Variants in MBP observed in about 807,000 individuals in gnomAD.
The protein encoded by MBP is myelin basic protein, also known as Golli-MBP.
In MBP, 16 loss-of-function variants were observed where a neutral mutation model predicts 35.8. The observed-to-expected ratio is 0.45, with a 90% CI of 0.30 to 0.68. The LOEUF is 0.68. Among genes scored for constraint, MBP ranks in the 30% least tolerant of loss-of-function variants. The probability of loss-of-function intolerance (pLI) is 0.08; values close to 1 mark genes in which losing one functional copy is unlikely to be tolerated. For synonymous variants in MBP, 143 were observed against 159.6 expected (o/e 0.90, Z 0.78); for missense variants, 380 against 404.7 (o/e 0.94, Z 0.52).
chr18:77,128,757 T>G (rs1360130589), intron 1 of MBP, among the ~76,000 whole-genome samples: 1 of 152,238 alleles, frequency 6.6e-6, no homozygotes, highest in African/African-American at 2.4e-5. Context: ...TCAGTGAATA[T>G]CCACTGTGTG....
In MBP at chr18:77,027,756, T is replaced by C. The variant is rs571361702; in HGVS notation, c.140-10488A>G. ...ATGCTGGAGTGCAGTGGCTTGATAATAGCTGACTGCAGCCTCAACTTCCTG... is the reference window on the plus strand; with the variant it reads ...ATGCTGGAGTGCAGTGGCTTGATAACAGCTGACTGCAGCCTCAACTTCCTG... On this transcript the variant is annotated intron_variant, in intron 3 of 8. Transcript: ENST00000355994. 1.4e-3 allele frequency among the ~76,000 whole-genome samples: 211 copies of C among 152,318 alleles called. 1 individual carries two copies. The highest frequency in any genetic ancestry group is 4.9e-3 in the African/African-American group (202 of 41,572).
chr18:77,124,212 A>G (rs1053089672), intron 1 of MBP, among the ~76,000 whole-genome samples: 1 of 152,096 alleles, frequency 6.6e-6, no homozygotes, highest in Admixed American at 6.5e-5. Flanking sequence ...CTTTGTTTCC[A>G]TGTTCTATCT....
chr18:77,047,560 C>T (rs1032447427), intron 3 of MBP, among the ~76,000 whole-genome samples: 1 of 152,156 alleles, frequency 6.6e-6, no homozygotes, highest in South Asian at 2.1e-4. Flanking sequence ...GGTTAGTTAA[C>T]GATGGTTGCA....
At chr18:77,034,051 C>CAAAAAAA (rs398033591) in intron 3 of MBP, among the ~76,000 whole-genome samples, 1 of 70,502 alleles carries the variant, frequency 1.4e-5, no homozygotes, top group Non-Finnish European at 2.7e-5. Context: ...CCTAATGGGG[C>CAAAAAAA]AAAAAAAAAA....
rs1399448853 is a variant in MBP at position 77,102,536 on chromosome 18, C to A, written c.51+2675G>T. The stretch of plus-strand genomic sequence containing the variant: ...TACTTCTTAAAACTACCTACAGGAA[C>A]CATAGTTTTAACATTTCCAAGTTTT... On this transcript the variant is annotated intron_variant, in intron 2 of 8. Transcript: ENST00000355994. This position sits in a 1 kb window ranked among gnomAD's most constrained non-coding sequence, Gnocchi z 4.4. Among the ~76,000 whole-genome samples the A allele has an allele frequency of 2.0e-5, 3 of 152,150 alleles. No individual in the cohort carries two copies. Among genetic ancestry groups the A allele is most frequent in the Admixed American group, 2.0e-4 (3 of 15,276 alleles).
chr18:77,069,158 G>A, intron 2 of MBP: 1 of 415,356 alleles, frequency 2.4e-6, no homozygotes, highest in Non-Finnish European at 4.9e-6. Flanking sequence ...CCAACCCTCA[G>A]GCCTAGCACA....
At chr18:76,984,630 G>A (rs964161318) in intron 8 of MBP, 145 bp downstream of exon 8, 3 of 1,075,028 alleles carry the variant, frequency 2.8e-6, no homozygotes, top group Admixed American at 4.6e-5. Context: ...TGCCACCTGA[G>A]CCCCTGCACG....
At chr18:77,002,686 TGCTA>T (rs151337056) in intron 4 of MBP, among the ~76,000 whole-genome samples, 178 of 152,366 alleles carry the variant, frequency 1.2e-3, no homozygotes, top group Non-Finnish European at 1.8e-3. Flanking sequence ...TCGCAGAGGC[TGCTA>T]GCTGTCTAGG....
chr18:76,988,889 C>G lies in MBP; in HGVS notation c.705G>C (p.Pro235=), dbSNP rs112511603. ...KNIVTPRTPP[P]SQGKGRGLSL... is the part of the protein sequence containing the mutation. ...TCCAAGGTCTTACCTTTCCCTGCGA[C>G]GGGGGTGGTGTGCGAGGCGTCACCT... The change falls in exon 6 of 9, where the codon CCG becomes CCC. Residue 235 remains proline, a synonymous_variant. Transcript: ENST00000355994. This position sits in a 1 kb window ranked among gnomAD's most constrained non-coding sequence, Gnocchi z 5.2. 6.2e-7 allele frequency: 1 copy of G among 1,613,854 alleles called. No homozygotes were observed. Among genetic ancestry groups the G allele is most frequent in the Non-Finnish European group, 8.5e-7 (1 of 1,179,848 alleles).
intron 2 of MBP, among the ~76,000 whole-genome samples, chr18:77,078,106 T>C (rs1000510792): frequency 6.6e-6 from 1 of 152,218 alleles, no homozygotes; most frequent in Non-Finnish European, 1.5e-5. Context: ...CAGTGGAAGA[T>C]GCATTTTCAT....
At chr18:77,025,697 T>C (rs1218936236) in intron 3 of MBP, among the ~76,000 whole-genome samples, 4 of 144,556 alleles carry the variant, frequency 2.8e-5, no homozygotes, top group Non-Finnish European at 4.5e-5. Flanking sequence ...CTGTCCTCTA[T>C]TGAAATACTT....
At chr18:77,063,526 C>G (rs140401562) in intron 3 of MBP, among the ~76,000 whole-genome samples, 1 of 152,186 alleles carries the variant, frequency 6.6e-6, no homozygotes, top group Non-Finnish European at 1.5e-5. Flanking sequence ...CCTCGGCACA[C>G]TCACGGGCAG....
intron 1 of MBP, among the ~76,000 whole-genome samples, chr18:77,122,779 T>A (rs748987644): frequency 6.6e-6 from 1 of 152,124 alleles, no homozygotes; most frequent in Non-Finnish European, 1.5e-5. Context: ...CTGACCTCAG[T>A]TGATCCTCCC....
intron 3 of MBP, among the ~76,000 whole-genome samples, chr18:77,041,695 G>A (rs1346868375): frequency 1.4e-4 from 20 of 147,826 alleles, no homozygotes; most frequent in South Asian, 2.1e-4. Flanking sequence ...ACCAAACACC[G>A]CGTGTTCTCA....
chr18:76,986,312 A>G, intron 7 of MBP: 1 of 985,544 alleles, frequency 1.0e-6, no homozygotes, highest in Non-Finnish European at 1.2e-6. Flanking sequence ...ATCAGCCTGC[A>G]GCCTTTCTTC....
intron 2 of MBP, among the ~76,000 whole-genome samples, chr18:77,099,730 G>A (rs749452715): frequency 3.3e-5 from 5 of 151,960 alleles, no homozygotes; most frequent in Admixed American, 6.5e-5. Context: ...GGAGGGCTGC[G>A]CAAAGCCATG....
At chr18:77,014,068 C>T in intron 4 of MBP, 2 of 985,466 alleles carry the variant, frequency 2.0e-6, no homozygotes, top group Non-Finnish European at 2.4e-6. Context: ...AAACCTGTTC[C>T]TTAAAGGCAA....
intron 2 of MBP, among the ~76,000 whole-genome samples, chr18:77,093,884 C>T (rs373305818): frequency 2.0e-4 from 30 of 152,302 alleles, no homozygotes; most frequent in African/African-American, 6.7e-4. Flanking sequence ...CCATGCCTTA[C>T]GCTCATTCTC....
chr18:77,051,153 C>G (rs1261943534), intron 3 of MBP, among the ~76,000 whole-genome samples: 2 of 152,146 alleles, frequency 1.3e-5, no homozygotes, highest in Admixed American at 6.5e-5. Context: ...AAAGGCAGGA[C>G]AGCCTTCCGG....
Sources: gnomAD v4.1 joint callset for allele counts (sites outside exome capture counted in the v4.1 genomes callset) on GRCh38, gnomAD v4.1.1 for gene constraint, Gnocchi (gnomAD v3.1) non-coding constraint, MANE v1.5 for transcripts, NCBI Gene and HGNC (gene_info 2026-07-23, HGNC 2026-07-21) for gene names.